FAM43A: variants seen among roughly 807,000 people sequenced by gnomAD.
The protein encoded by FAM43A is family with sequence similarity 43 member A.
In FAM43A, 11 loss-of-function variants were observed where a neutral mutation model predicts 15.7. The ratio of observed to expected loss-of-function variants is 0.70; its 90% CI spans 0.44 to 1.16. The LOEUF is 1.16. FAM43A is among the 50% of genes most tolerant of loss of function. The pLI is 0.00. For synonymous variants in FAM43A, 319 were observed against 291.7 expected (o/e 1.09, Z -0.96); for missense variants, 573 against 620.0 (o/e 0.92, Z 0.80).
rs1719468268 is a variant in FAM43A, at chr3:194,688,025, C to T, written c.1199C>T (p.Ala400Val). 2 of 1,420,392 alleles carry T rather than the reference C, an allele frequency of 1.4e-6. No homozygotes were observed. The highest frequency in any genetic ancestry group is 1.7e-5 in the South Asian group (1 of 60,160). The allele number at this position is 1,420,392 out of a possible 1,614,324, so 88.0% of individuals were successfully genotyped here. The change falls in exon 1 of 1, where the codon GCC (alanine) becomes GTC (valine). Residue 400 changes from alanine (A) to valine (V), a missense_variant. Physicochemically the swap from Ala to Val is moderately conservative, Grantham distance 64. Coordinates refer to ENST00000329759, the MANE Select transcript of FAM43A (RefSeq NM_153690.5). ...TCCATCGAGGGCGGGGGCCCTGACG[C>T]CACCTCCGCCACCGCCGGGGACTCG... ...ESSIEGGGPDATSATAGDSSR... is the reference protein window; with the variant it reads ...ESSIEGGGPDVTSATAGDSSR...
chr3:194,687,627 G>GGAGGAA lies in FAM43A; in HGVS notation c.813_818dup (p.Glu272_Glu273dup). 1.3e-6 allele frequency: 2 copies of GGAGGAA among 1,566,574 alleles called. No individual in the cohort carries two copies. The highest frequency in any genetic ancestry group is 1.2e-5 in the South Asian group (1 of 85,484). ...GCGAACAGCTGGAGCAGGAGCTGCA[G>GGAGGAA]GAGGAAGAGGAAGAGGAGCAACCCG... On this transcript the variant is annotated inframe_insertion, in exon 1 of 1. Transcript: ENST00000329759.
In FAM43A at chr3:194,686,835, G is replaced by A. The variant is rs1212543732; in HGVS notation, c.9G>A (p.Pro3=). The A allele has an allele frequency of 6.3e-7, 1 of 1,575,696 alleles. No homozygotes were observed. ...CGGGGCGCCCTCCGGAGATGCTGCC[G>A]TGGAAGAAGCACAAGTTCGAGCTGC... The part of the protein sequence containing the change: ML[P]WKKHKFELLA... The change falls in exon 1 of 1, where the codon CCG becomes CCA. Residue 3 remains proline, a synonymous_variant. Coordinates refer to ENST00000329759, the MANE Select transcript of FAM43A (RefSeq NM_153690.5).
rs753010009 is a variant in FAM43A, at chr3:194,686,923, T to TCGG, written c.100_102dup (p.Ala34dup). 7 of 1,610,002 alleles carry TCGG rather than the reference T, an allele frequency of 4.3e-6. No individual in the cohort carries two copies. Among genetic ancestry groups the TCGG allele is most frequent in the Non-Finnish European group, 5.9e-6 (7 of 1,177,946 alleles). On this transcript the variant is annotated inframe_insertion, in exon 1 of 1. Transcript: ENST00000329759. The stretch of plus-strand genomic sequence containing the variant: ...GGGCTACGCTGTGAGCCTGCACTAC[T>TCGG]CGGCGCTCAGCTCGCTGGCGCGGGC...
Position 194,686,599 on chromosome 3 carries a change from C to T in FAM43A, c.-228C>T. The T allele has an allele frequency of 2.6e-6, 1 of 388,596 alleles. No individual in the cohort carries two copies. The highest frequency in any genetic ancestry group is 4.4e-6 in the Non-Finnish European group (1 of 225,650). The allele number at this position is 388,596 out of a possible 1,614,324, so 24.1% of individuals were successfully genotyped here. On this transcript the variant is annotated 5_prime_UTR_variant, in exon 1 of 1. Coordinates refer to ENST00000329759, the MANE Select transcript of FAM43A (RefSeq NM_153690.5). ...CCCGCACCAACCTTTTTTGCACACT[C>T]GAAGCTGAATATTTTCTTTTTTAGA...
Position 194,687,033 on chromosome 3 carries a change from T to G in FAM43A, c.207T>G (p.Thr69=), listed in dbSNP as rs1167265419. The change falls in exon 1 of 1, where the codon ACT becomes ACG. Residue 69 remains threonine (T), a synonymous_variant. Coordinates refer to ENST00000329759, the MANE Select transcript of FAM43A (RefSeq NM_153690.5). ...KKLHITSEDP[T]YTVLYLGNAT... is the part of the protein sequence containing the mutation. ...TGCACATCACTAGCGAGGACCCAACTTACACCGTGCTCTACCTGGGCAATG... is the reference window on the plus strand; with the variant it reads ...TGCACATCACTAGCGAGGACCCAACGTACACCGTGCTCTACCTGGGCAATG... The G allele has an allele frequency of 6.2e-7, 1 of 1,612,632 alleles. No individual in the cohort carries two copies.
Position 194,687,389 on chromosome 3 carries a change from T to C in FAM43A, c.563T>C (p.Leu188Pro). ...AAGGCGCAGGCCATGGCCCTGCTGC[T>C]CTACCAGACGTCGGCCAACGCGCTG... ...PEKAQAMALL[L>P]YQTSANALAE... Residue 188 changes from leucine (L) to proline (P), a missense_variant, in exon 1 of 1, where the codon CTC becomes CCC. Leu to Pro is a moderately conservative substitution (Grantham distance 98). Transcript: ENST00000329759. 1.3e-6 allele frequency: 2 copies of C among 1,536,154 alleles called. No individual in the cohort carries two copies.
rs759646259 is a variant in FAM43A, at chr3:194,688,034, C to T, written c.1208C>T (p.Ala403Val). The change falls in exon 1 of 1, where the codon GCC becomes GTC. Residue 403 changes from alanine to valine, a missense_variant. By Grantham distance (64) the Ala-to-Val change is moderately conservative. Transcript: ENST00000329759. ...IEGGGPDATSATAGDSSRQAD... is the reference protein window; with the variant it reads ...IEGGGPDATSVTAGDSSRQAD... ...GGCGGGGGCCCTGACGCCACCTCCGCCACCGCCGGGGACTCGTCCCGCCAG... is the reference window on the plus strand; with the variant it reads ...GGCGGGGGCCCTGACGCCACCTCCGTCACCGCCGGGGACTCGTCCCGCCAG... 1.4e-6 allele frequency: 2 copies of T among 1,419,832 alleles called. No individual in the cohort carries two copies. The highest frequency in any genetic ancestry group is 2.7e-5 in the East Asian group (1 of 36,468). The allele number at this position is 1,419,832 out of a possible 1,614,324, so 88.0% of individuals were successfully genotyped here.
At position 194,687,243 on chromosome 3, in the gene FAM43A, C is replaced by T. The variant is rs761289488; in HGVS notation, c.417C>T (p.Arg139=). Reference sequence around the variant, plus strand: ...CGGGCCACCTCTACCTGCTGCACCGCGTCACCTACTGCGTGGCCGACGCGC... The same window carrying T: ...CGGGCCACCTCTACCTGCTGCACCGTGTCACCTACTGCGTGGCCGACGCGC... ...RRPGHLYLLH[R]VTYCVADARL... is the part of the protein sequence containing the mutation. The change falls in exon 1 of 1, where the codon CGC becomes CGT. Residue 139 remains arginine (R), a synonymous_variant. Coordinates refer to ENST00000329759, the MANE Select transcript of FAM43A (RefSeq NM_153690.5). The T allele has an allele frequency of 1.9e-6, 3 of 1,600,880 alleles. No individual in the cohort carries two copies. In the East Asian group the frequency reaches 6.7e-5, roughly 36 times the overall value.
chr3:194,687,757 G>A lies in FAM43A; in HGVS notation c.931G>A (p.Gly311Arg), dbSNP rs1034456352. Reference sequence around the variant, plus strand: ...AGTGGTCGCCATGCACTTTGAGTGCGGGGACTTGTTGGATACTCTGGAGAA... The same window carrying A: ...AGTGGTCGCCATGCACTTTGAGTGCAGGGACTTGTTGGATACTCTGGAGAA... ...ALVVAMHFEC[G>R]DLLDTLENGR... The change falls in exon 1 of 1, where the codon GGG (glycine) becomes AGG (arginine). Residue 311 changes from glycine (G) to arginine (R), a missense_variant. Transcript: ENST00000329759. 6 of 1,539,592 alleles carry A rather than the reference G, an allele frequency of 3.9e-6. No individual in the cohort carries two copies. Among genetic ancestry groups the A allele is most frequent in the Non-Finnish European group, 4.4e-6 (5 of 1,139,738 alleles).
At position 194,687,357 on chromosome 3, in the gene FAM43A, G is replaced by T; in HGVS notation, c.531G>T (p.Lys177Asn). The T allele has an allele frequency of 6.5e-7, 1 of 1,540,658 alleles. No homozygotes were observed. The highest frequency in any genetic ancestry group is 8.7e-7 in the Non-Finnish European group (1 of 1,148,054). Residue 177 changes from lysine (K) to asparagine (N), a missense_variant, in exon 1 of 1, where the codon AAG becomes AAT. Lys to Asn is a moderately conservative substitution (Grantham distance 94). Transcript: ENST00000329759. ...MLRCHAVLVS[K>N]PEKAQAMALL... ...GCTGCCACGCCGTGCTGGTGTCCAA[G>T]CCCGAAAAGGCGCAGGCCATGGCCC...
rs1034456352 is a variant in FAM43A at position 194,687,757 on chromosome 3, G to C, written c.931G>C (p.Gly311Arg). The C allele has an allele frequency of 2.6e-6, 4 of 1,539,474 alleles. No homozygotes were observed. In the African/African-American group the frequency reaches 5.5e-5, roughly 21 times the overall value. Residue 311 changes from glycine to arginine, a missense_variant, in exon 1 of 1, where the codon GGG becomes CGG. Transcript: ENST00000329759. ...ALVVAMHFEC[G>R]DLLDTLENGR... is the part of the protein sequence containing the mutation. Reference sequence around the variant, plus strand: ...AGTGGTCGCCATGCACTTTGAGTGCGGGGACTTGTTGGATACTCTGGAGAA... The same window carrying C: ...AGTGGTCGCCATGCACTTTGAGTGCCGGGACTTGTTGGATACTCTGGAGAA...
chr3:194,688,147 C>T lies in FAM43A; in HGVS notation c.*49C>T. On this transcript the variant is annotated 3_prime_UTR_variant, in exon 1 of 1. Coordinates refer to ENST00000329759, the MANE Select transcript of FAM43A (RefSeq NM_153690.5). ...TCCACCGTGGCTACCCATCCGTGGT[C>T]CCGACAACCTCCCTGTCCCTTGCCC... is the stretch of plus-strand genomic sequence containing the variant. The T allele has an allele frequency of 7.7e-7, 1 of 1,304,998 alleles. No homozygotes were observed. The highest frequency in any genetic ancestry group is 9.8e-7 in the Non-Finnish European group (1 of 1,020,240). 80.8% of individuals were successfully genotyped at this position (1,304,998 alleles called of 1,614,324 possible).
Position 194,687,568 on chromosome 3 carries a change from C to T in FAM43A, c.742C>T (p.Pro248Ser). 6.3e-7 allele frequency: 1 copy of T among 1,587,198 alleles called. No individual in the cohort carries two copies. The highest frequency in any genetic ancestry group is 8.6e-7 in the Non-Finnish European group (1 of 1,166,810). The change falls in exon 1 of 1, where the codon CCC becomes TCC. Residue 248 changes from proline to serine, a missense_variant. Transcript: ENST00000329759. Reference protein sequence around the residue: ...KPPVERSRSAPKLGSITEDLL... With the variant: ...KPPVERSRSASKLGSITEDLL... ...GCCGGTGGAGCGCAGCCGCAGCGCG[C>T]CCAAGCTTGGCTCCATCACCGAGGA... is the stretch of plus-strand genomic sequence containing the variant.
chr3:194,686,766 G>A lies in FAM43A; in HGVS notation c.-61G>A. The A allele has an allele frequency of 7.4e-7, 1 of 1,350,650 alleles. No homozygotes were observed. The highest frequency in any genetic ancestry group is 1.5e-5 in the African/African-American group (1 of 64,892). The allele number at this position is 1,350,650 out of a possible 1,614,324, so 83.7% of individuals were successfully genotyped here. On this transcript the variant is annotated 5_prime_UTR_variant, in exon 1 of 1. Coordinates refer to ENST00000329759, the MANE Select transcript of FAM43A (RefSeq NM_153690.5). ...CCTGGCAGGGGCCGGTGGCTCAGCGGGCCTCGCACCCGGCGCTCCGCCGCC... is the reference window on the plus strand; with the variant it reads ...CCTGGCAGGGGCCGGTGGCTCAGCGAGCCTCGCACCCGGCGCTCCGCCGCC...
In FAM43A at chr3:194,688,308, G is replaced by A. The variant is rs192109430; in HGVS notation, c.*210G>A. 1.5e-3 allele frequency: 730 copies of A among 498,066 alleles called. 6 individuals are homozygous for A. Among genetic ancestry groups the A allele is most frequent in the African/African-American group, 0.013 (672 of 50,122 alleles). The allele number at this position is 498,066 out of a possible 1,614,324, so 30.9% of individuals were successfully genotyped here. On this transcript the variant is annotated 3_prime_UTR_variant, in exon 1 of 1. Transcript: ENST00000329759. ...CAGCACTTTTGGCTCTGTTGCGCGT[G>A]GGGATGCGGGGAGATTTGAGAGGGG...
chr3:194,687,511 C>T lies in FAM43A; in HGVS notation c.685C>T (p.Leu229=), dbSNP rs1577267981. 1 of 1,552,996 alleles carries T rather than the reference C, an allele frequency of 6.4e-7. No homozygotes were observed. The highest frequency in any genetic ancestry group is 1.4e-5 in the African/African-American group (1 of 73,648). ...CATCCCGCTAGTGCCGCTGCGCAAG[C>T]TGCTCCTACACGGACCCTGCTGCTA... ...HTIPLVPLRK[L]LLHGPCCYKP... The change falls in exon 1 of 1, where the codon CTG becomes TTG. Residue 229 remains leucine, a synonymous_variant. Transcript: ENST00000329759.
In FAM43A at chr3:194,688,787, A is replaced by G. The variant is rs888132058; in HGVS notation, c.*689A>G. 6.0e-6 allele frequency: 1 copy of G among 167,162 alleles called. No individual in the cohort carries two copies. The allele number at this position is 167,162 out of a possible 1,614,324, so 10.4% of individuals were successfully genotyped here. On this transcript the variant is annotated 3_prime_UTR_variant, in exon 1 of 1. Coordinates refer to ENST00000329759, the MANE Select transcript of FAM43A (RefSeq NM_153690.5). ...ACACACCCTTCCTCTTGCTCAAAAGATCTCACTCCATGATACTGTGTAAAA... is the reference window on the plus strand; with the variant it reads ...ACACACCCTTCCTCTTGCTCAAAAGGTCTCACTCCATGATACTGTGTAAAA...
In FAM43A at chr3:194,687,220, G is replaced by A; in HGVS notation, c.394G>A (p.Gly132Ser). The A allele has an allele frequency of 1.2e-6, 2 of 1,603,770 alleles. No homozygotes were observed. Among genetic ancestry groups the A allele is most frequent in the Admixed American group, 1.7e-5 (1 of 59,912 alleles). The change falls in exon 1 of 1, where the codon GGC becomes AGC. Residue 132 changes from glycine to serine, a missense_variant. By Grantham distance (56) the Gly-to-Ser change is moderately conservative. Coordinates refer to ENST00000329759, the MANE Select transcript of FAM43A (RefSeq NM_153690.5). ...CGAGGAGCGCGCGCTGCGCCGCCCG[G>A]GCCACCTCTACCTGCTGCACCGCGT... ...HAEERALRRP[G>S]HLYLLHRVTY...
In FAM43A at chr3:194,687,838, C is replaced by T. The variant is rs1487806471; in HGVS notation, c.1012C>T (p.Pro338Ser). 3.5e-6 allele frequency: 5 copies of T among 1,448,000 alleles called. No homozygotes were observed. Among genetic ancestry groups the T allele is most frequent in the Non-Finnish European group, 4.6e-6 (5 of 1,098,640 alleles). The allele number at this position is 1,448,000 out of a possible 1,614,324, so 89.7% of individuals were successfully genotyped here. A position where few individuals can be genotyped will look rare whatever the true frequency, so the allele number is the denominator to read the frequency against. ...GGGSLGPGAG[P>S]PPLLLGSASD... is the part of the protein sequence containing the mutation. ...GGGCTCCCTGGGCCCGGGGGCCGGG[C>T]CGCCGCCTCTGCTGCTGGGCAGCGC... is the stretch of plus-strand genomic sequence containing the variant. Residue 338 changes from proline (P) to serine (S), a missense_variant, in exon 1 of 1, where the codon CCG becomes TCG. By Grantham distance (74) the Pro-to-Ser change is moderately conservative. Coordinates refer to ENST00000329759, the MANE Select transcript of FAM43A (RefSeq NM_153690.5).
Sources: gnomAD v4.1 joint callset for allele counts on GRCh38, gnomAD v4.1.1 for gene constraint, MANE v1.5 for transcripts, NCBI Gene and HGNC (gene_info 2026-07-23, HGNC 2026-07-21) for gene names.